Variants in MACROD2 observed in about 807,000 individuals in gnomAD.
MACROD2 encodes the protein mono-ADP ribosylhydrolase 2, also known as ADP-ribose glycohydrolase MACROD2.
A neutral mutation model predicts 70.4 loss-of-function variants in MACROD2; 36 were observed. The observed-to-expected ratio is 0.51, with a 90% CI of 0.39 to 0.68. The LOEUF (loss-of-function observed/expected upper bound fraction) is 0.68, where lower values mean the gene tolerates loss of function less well. Among genes scored for constraint, MACROD2 ranks in the 30% least tolerant of loss-of-function variants. The pLI is 0.00. For synonymous variants in MACROD2, 172 were observed against 178.8 expected, an observed-to-expected ratio of 0.96 and a Z score of 0.30; for missense variants, 496 against 538.4, an observed-to-expected ratio of 0.92 and a Z score of 0.78.
intron 6 of MACROD2, among the ~76,000 whole-genome samples, chr20:15,256,910 G>A (rs559481746): frequency 6.1e-4 from 92 of 151,756 alleles, no homozygotes; most frequent in African/African-American, 2.0e-3. Flanking sequence ...AGCTGGCCCA[G>A]AAAAAGAGCC....
chr20:15,232,442 T>C (rs1326422778), intron 6 of MACROD2, among the ~76,000 whole-genome samples: 7 of 151,606 alleles, frequency 4.6e-5, no homozygotes, highest in African/African-American at 7.3e-5. Flanking sequence ...TGTGTGACTG[T>C]GGACAAGTAA....
At chr20:15,165,972 G>A (rs1403603665) in intron 5 of MACROD2, among the ~76,000 whole-genome samples, 1 of 152,064 alleles carries the variant, frequency 6.6e-6, no homozygotes. Context: ...AGGATATTAC[G>A]CTAAGTGAAA....
chr20:14,699,225 T>A (rs1200304219), intron 5 of MACROD2, among the ~76,000 whole-genome samples: 1 of 152,170 alleles, frequency 6.6e-6, no homozygotes, highest in South Asian at 2.1e-4. Context: ...CAATTTATTG[T>A]TAAATCTCAT....
intron 3 of MACROD2, among the ~76,000 whole-genome samples, chr20:14,177,297 T>G (rs925298811): frequency 1.8e-5 from 1 of 55,964 alleles, no homozygotes; most frequent in African/African-American, 6.6e-5. Flanking sequence ...ATAGGAGATA[T>G]CTTCTTTTTT....
chr20:14,305,702 C>T (rs2082514369), intron 3 of MACROD2, among the ~76,000 whole-genome samples: 1 of 151,992 alleles, frequency 6.6e-6, no homozygotes, highest in African/African-American at 2.4e-5. Flanking sequence ...TTTTAAATTG[C>T]AGAAAAAAAT....
At chr20:15,003,476 A>G (rs1162084905) in intron 5 of MACROD2, among the ~76,000 whole-genome samples, 2 of 152,218 alleles carry the variant, frequency 1.3e-5, no homozygotes, top group Non-Finnish European at 2.9e-5. Context: ...AGATCATAAG[A>G]GTCTAATAAT....
intron 8 of MACROD2, among the ~76,000 whole-genome samples, chr20:15,798,963 A>C (rs2063699635): frequency 6.6e-6 from 1 of 152,184 alleles, no homozygotes; most frequent in African/African-American, 2.4e-5. Context: ...CAAATGAACA[A>C]AGAAAGAAAC....
At chr20:15,394,561 A>T (rs763089259) in intron 6 of MACROD2, among the ~76,000 whole-genome samples, 4 of 152,208 alleles carry the variant, frequency 2.6e-5, no homozygotes, top group Non-Finnish European at 5.9e-5. Context: ...GGCCAAATAA[A>T]CCAGCCATCA....
At chr20:14,414,880 A>T (rs371100211) in intron 3 of MACROD2, among the ~76,000 whole-genome samples, 25 of 146,438 alleles carry the variant, frequency 1.7e-4, no homozygotes, top group Admixed American at 1.7e-3. Flanking sequence ...TATTTAAAAA[A>T]CTCTGTTCCC....
intron 4 of MACROD2, among the ~76,000 whole-genome samples, chr20:14,534,890 G>T (rs1488799891): frequency 2.0e-5 from 3 of 151,858 alleles, no homozygotes; most frequent in East Asian, 3.9e-4. Flanking sequence ...TTTTTGAACA[G>T]AAAAATAAAA....
At chr20:15,187,041 A>G (rs933938824) in intron 5 of MACROD2, among the ~76,000 whole-genome samples, 3 of 152,216 alleles carry the variant, frequency 2.0e-5, no homozygotes, top group African/African-American at 4.8e-5. Flanking sequence ...AAACACTACT[A>G]TGTGAACAGT....
chr20:14,992,173 A>G (rs910608565), intron 5 of MACROD2, among the ~76,000 whole-genome samples: 1 of 152,194 alleles, frequency 6.6e-6, no homozygotes, highest in African/African-American at 2.4e-5. Flanking sequence ...AAGTAGTTTA[A>G]GGATCACTTT....
intron 8 of MACROD2, among the ~76,000 whole-genome samples, chr20:15,624,573 T>G (rs920383853): frequency 4.6e-5 from 7 of 152,176 alleles, no homozygotes; most frequent in Non-Finnish European, 8.8e-5. Flanking sequence ...CAGACTGAAT[T>G]AGGCCCACTG....
At chr20:15,163,528 A>G (rs962216453) in intron 5 of MACROD2, among the ~76,000 whole-genome samples, 3 of 152,086 alleles carry the variant, frequency 2.0e-5, no homozygotes, top group Non-Finnish European at 4.4e-5. Context: ...TGTAATTTAC[A>G]TAAGTATAGA....
At chr20:15,634,663 C>T (rs1003207582) in intron 8 of MACROD2, among the ~76,000 whole-genome samples, 10 of 152,180 alleles carry the variant, frequency 6.6e-5, no homozygotes, top group South Asian at 2.1e-4. Context: ...GGTACTAAAG[C>T]CACATTCCAT....
intron 4 of MACROD2, among the ~76,000 whole-genome samples, chr20:14,678,335 T>C (rs1487871563): frequency 6.6e-6 from 1 of 152,182 alleles, no homozygotes; most frequent in Non-Finnish European, 1.5e-5. Context: ...GGAAGTACTG[T>C]CTTGCTCATG....
At chr20:15,457,039 T>C (rs1239345814) in intron 7 of MACROD2, among the ~76,000 whole-genome samples, 5 of 138,304 alleles carry the variant, frequency 3.6e-5, no homozygotes, top group African/African-American at 1.4e-4. Flanking sequence ...TGCTATTCAT[T>C]TTTCTTTCCT....
At chr20:14,355,681 AAAGG>A (rs199576745) in intron 3 of MACROD2, among the ~76,000 whole-genome samples, 1 of 152,216 alleles carries the variant, frequency 6.6e-6, no homozygotes, top group Admixed American at 6.5e-5. Flanking sequence ...GAAATGGAAA[AAAGG>A]AAAGAAACTA....
In MACROD2 at chr20:14,064,684, T is replaced by TC. The variant is rs1366519861; in HGVS notation, c.164-20935dup. Among the ~76,000 whole-genome samples, 11 of 152,326 alleles carry TC rather than the reference T, an allele frequency of 7.2e-5. No individual in the cohort carries two copies. The South Asian group carries it at 2.3e-3, about 32-fold the overall frequency. ...AAGAGCTTCCTCAGAGATCTGTGTT[T>TC]CCATTTAGGCTCCCTTTCAATCCTA... On this transcript the variant is annotated intron_variant, in intron 2 of 17. Coordinates refer to ENST00000684519, the MANE Select transcript of MACROD2 (RefSeq NM_001351661.2).
Sources: allele counts gnomAD v4.1 joint callset (sites outside exome capture counted in the v4.1 genomes callset), GRCh38; gene constraint gnomAD v4.1.1; transcripts MANE v1.5; gene names NCBI Gene and HGNC (gene_info 2026-07-23, HGNC 2026-07-21).